The following CHSY3 variants were observed in gnomAD, a reference collection of about 807,000 sequenced individuals.
The protein encoded by CHSY3 is N-acetylgalactosaminyl-proteoglycan 3-beta-glucuronosyltransferase 3.
A neutral mutation model predicts 67.2 loss-of-function variants in CHSY3; 35 were observed. That is an observed-to-expected ratio of 0.52 (90% CI 0.40 to 0.69). The LOEUF (loss-of-function observed/expected upper bound fraction) is 0.69, where lower values mean the gene tolerates loss of function less well. CHSY3 is among the 30% of genes least tolerant of loss of function. The pLI, the probability that CHSY3 is intolerant of heterozygous loss-of-function variation, is 0.00. For missense variants in CHSY3, 1,069 were observed against 1,138.5 expected (o/e 0.94, Z 0.88); for synonymous variants, 474 against 434.7 (o/e 1.09, Z -1.12).
At chr5:129,966,696 C>T (rs1302252436) in intron 2 of CHSY3, among the ~76,000 whole-genome samples, 5 of 151,468 alleles carry the variant, frequency 3.3e-5, no homozygotes, top group African/African-American at 1.2e-4. Flanking sequence ...TTTTGCAGCT[C>T]CATGAAAAGT....
intron 2 of CHSY3, among the ~76,000 whole-genome samples, chr5:129,987,610 G>C (rs1340813021): frequency 6.6e-6 from 1 of 152,118 alleles, no homozygotes; most frequent in Non-Finnish European, 1.5e-5. Flanking sequence ...AGAGATACTA[G>C]AGCTTTGGTA....
chr5:129,979,544 G>A (rs986201837), intron 2 of CHSY3, among the ~76,000 whole-genome samples: 7 of 152,024 alleles, frequency 4.6e-5, no homozygotes, highest in Admixed American at 2.6e-4. Flanking sequence ...CATAGCCTCC[G>A]CATTATCAAC....
intron 2 of CHSY3, among the ~76,000 whole-genome samples, chr5:130,103,951 T>G (rs1767334405): frequency 6.6e-6 from 1 of 151,962 alleles, no homozygotes; most frequent in Non-Finnish European, 1.5e-5. Flanking sequence ...GTGTCTTATA[T>G]CTCAAAAACA....
At position 130,029,230 on chromosome 5, in the gene CHSY3, T is replaced by C. The variant is rs10066142; in HGVS notation, c.1086+120870T>C. ...TCTCTTGGACTCAAAGGGAATTGTGTGTGAAAACAATAACTACTGTAGCTT... is the reference window on the plus strand; with the variant it reads ...TCTCTTGGACTCAAAGGGAATTGTGCGTGAAAACAATAACTACTGTAGCTT... On this transcript the variant is annotated intron_variant, in intron 2 of 2. Transcript: ENST00000305031. Among the ~76,000 whole-genome samples, 546 of 152,278 alleles carry C rather than the reference T, an allele frequency of 3.6e-3. 1 individual carries two copies. Among genetic ancestry groups the C allele is most frequent in the Middle Eastern group, 0.02 (6 of 294 alleles).
intron 2 of CHSY3, among the ~76,000 whole-genome samples, chr5:130,032,405 A>T (rs183133877): frequency 1.9e-3 from 291 of 152,266 alleles, no homozygotes; most frequent in Non-Finnish European, 2.6e-3. Context: ...GTTTAAATGG[A>T]AGCTTTGGCA....
At chr5:129,942,545 A>T (rs1027426860) in intron 2 of CHSY3, among the ~76,000 whole-genome samples, 9 of 152,150 alleles carry the variant, frequency 5.9e-5, no homozygotes, top group Admixed American at 1.3e-4. Flanking sequence ...GAAGAGATTT[A>T]TATTTATTGT....
At chr5:130,078,604 A>G (rs1285130443) in intron 2 of CHSY3, among the ~76,000 whole-genome samples, 2 of 152,162 alleles carry the variant, frequency 1.3e-5, no homozygotes, top group African/African-American at 4.8e-5. Flanking sequence ...TATTGCTCTA[A>G]CCAATTGTTG....
chr5:130,004,414 A>G (rs1364691612), intron 2 of CHSY3, among the ~76,000 whole-genome samples: 1 of 152,214 alleles, frequency 6.6e-6, no homozygotes, highest in African/African-American at 2.4e-5. Flanking sequence ...TTTTTAAACC[A>G]TCTAGAATTA....
rs565006372 is a variant in CHSY3 at position 130,149,469 on chromosome 5, A to G, written c.1087-34760A>G. ...GGGACGGGAGGTGCCACACACTTTAAAAGACCAGATCTTGCATGAACTCGG... is the reference window on the plus strand; with the variant it reads ...GGGACGGGAGGTGCCACACACTTTAGAAGACCAGATCTTGCATGAACTCGG... On this transcript the variant is annotated intron_variant, in intron 2 of 2. Coordinates refer to ENST00000305031, the MANE Select transcript of CHSY3 (RefSeq NM_175856.5). Among the ~76,000 whole-genome samples the G allele has an allele frequency of 3.9e-5, 6 of 152,278 alleles. No homozygotes were observed. In the East Asian group the frequency reaches 1.2e-3, roughly 29 times the overall value.
chr5:130,138,048 G>A (rs1350368323), intron 2 of CHSY3, among the ~76,000 whole-genome samples: 3 of 151,888 alleles, frequency 2.0e-5, no homozygotes, highest in Non-Finnish European at 4.4e-5. Context: ...TGTTAATATT[G>A]TGCTAGCCAA....
At chr5:130,048,530 G>A (rs1161927365) in intron 2 of CHSY3, among the ~76,000 whole-genome samples, 2 of 151,930 alleles carry the variant, frequency 1.3e-5, no homozygotes, top group Non-Finnish European at 2.9e-5. Context: ...AGCTTGGAGT[G>A]GAGGAAGAAT....
At chr5:130,137,151 G>T (rs895201787) in intron 2 of CHSY3, among the ~76,000 whole-genome samples, 1 of 152,120 alleles carries the variant, frequency 6.6e-6, no homozygotes, top group African/African-American at 2.4e-5. Flanking sequence ...ACATAATAGG[G>T]ATGAAAGAAA....
chr5:129,944,667 A>C (rs1250259979), intron 2 of CHSY3, among the ~76,000 whole-genome samples: 1 of 152,126 alleles, frequency 6.6e-6, no homozygotes, highest in African/African-American at 2.4e-5. Flanking sequence ...ACTGTTGACC[A>C]CAGATATATT....
At position 129,995,209 on chromosome 5, in the gene CHSY3, T is replaced by C. The variant is rs180966070; in HGVS notation, c.1086+86849T>C. Among the ~76,000 whole-genome samples, 125 of 152,280 alleles carry C rather than the reference T, an allele frequency of 8.2e-4. 1 individual carries two copies. The highest frequency in any genetic ancestry group is 2.7e-3 in the African/African-American group (113 of 41,578). ...TATTGTTATTAAACATAGTTTTATG[T>C]TTATTAGCCATGTGTATATCCTTTT... On this transcript the variant is annotated intron_variant, in intron 2 of 2. Transcript: ENST00000305031.
At chr5:129,931,830 C>T (rs1370122227) in intron 2 of CHSY3, among the ~76,000 whole-genome samples, 1 of 151,946 alleles carries the variant, frequency 6.6e-6, no homozygotes, top group Non-Finnish European at 1.5e-5. Context: ...AAAGTCCTCC[C>T]CATGGACTTC....
chr5:130,162,717 A>G (rs1769593781), intron 2 of CHSY3, among the ~76,000 whole-genome samples: 2 of 151,980 alleles, frequency 1.3e-5, no homozygotes, highest in Non-Finnish European at 2.9e-5. Context: ...TTTTTTTAAA[A>G]ATGTTATTTC....
chr5:129,980,202 A>G (rs1327951854), intron 2 of CHSY3, among the ~76,000 whole-genome samples: 1 of 152,196 alleles, frequency 6.6e-6, no homozygotes, highest in Non-Finnish European at 1.5e-5. Context: ...ACCATTTTGC[A>G]CTCATCCCAG....
chr5:130,174,278 G>A (rs1769980049), intron 2 of CHSY3, among the ~76,000 whole-genome samples: 1 of 150,770 alleles, frequency 6.6e-6, no homozygotes, highest in Non-Finnish European at 1.5e-5. Context: ...ATTTTTCCAA[G>A]TTAGAGGATC....
At chr5:130,099,734 A>C (rs1767166746) in intron 2 of CHSY3, among the ~76,000 whole-genome samples, 1 of 152,252 alleles carries the variant, frequency 6.6e-6, no homozygotes, top group Non-Finnish European at 1.5e-5. Flanking sequence ...AGAGCCAAAT[A>C]GTGAAACATT....
Sources: gnomAD v4.1 joint callset for allele counts (sites outside exome capture counted in the v4.1 genomes callset) on GRCh38, gnomAD v4.1.1 for gene constraint, MANE v1.5 for transcripts, NCBI Gene and HGNC (gene_info 2026-07-23, HGNC 2026-07-21) for gene names.